Variants in TRAPPC9 observed in about 807,000 individuals in gnomAD.
The protein encoded by TRAPPC9 is trafficking protein particle complex subunit 9, also known as IKK2 binding protein.
In TRAPPC9, 83 loss-of-function variants were observed where a neutral mutation model predicts 124.0. That is an observed-to-expected ratio of 0.67 (90% confidence interval 0.56 to 0.80). The LOEUF (loss-of-function observed/expected upper bound fraction) is 0.80. Ranked by LOEUF, TRAPPC9 falls within the 30% of genes least tolerant of loss-of-function variation. TRAPPC9 has a pLI of 0.00. For missense variants in TRAPPC9, 1,302 were observed against 1,508.3 expected (o/e 0.86, Z 2.27); for synonymous variants, 638 against 617.5 (o/e 1.03, Z -0.49).
At chr8:140,369,856 G>A (rs1014525843) in intron 8 of TRAPPC9, among the ~76,000 whole-genome samples, 69 of 152,150 alleles carry the variant, frequency 4.5e-4, no homozygotes, top group Admixed American at 3.9e-4. Context: ...GGAGGCTGAG[G>A]CAGGAGAATC....
chr8:140,107,310 G>A (rs1448713738), intron 17 of TRAPPC9, among the ~76,000 whole-genome samples: 1 of 152,122 alleles, frequency 6.6e-6, no homozygotes, highest in African/African-American at 2.4e-5. Context: ...GAAATGGAAG[G>A]CTTTTTACGG....
At position 139,885,859 on chromosome 8, in the gene TRAPPC9, G is replaced by T; in HGVS notation, c.3055+20C>A. 1 of 1,553,372 alleles carries T rather than the reference G, an allele frequency of 6.4e-7. No homozygotes were observed. The highest frequency in any genetic ancestry group is 2.4e-5 in the East Asian group (1 of 41,354). On this transcript the variant is annotated intron_variant, in intron 21 of 22. Coordinates refer to ENST00000438773, the MANE Select transcript of TRAPPC9 (RefSeq NM_001160372.4). ...GGAGCACATCCACCCAGAATCGATG[G>T]GTGGCTGGCGGGTACTCACCCCACT... is the stretch of plus-strand genomic sequence containing the variant.
chr8:139,776,171 C>A lies in TRAPPC9; in HGVS notation c.3056-43969G>T, dbSNP rs1037630650. ...CTAGTCATGGGGGCTTGGGACCCAG[C>A]CTCAGTCTCTGGGCTCCCCGACAGG... On this transcript the variant is annotated intron_variant, in intron 21 of 22. Transcript: ENST00000438773. This position sits in a 1 kb window ranked among gnomAD's most constrained non-coding sequence, Gnocchi z 4.1. Among the ~76,000 whole-genome samples, 2 of 152,208 alleles carry A rather than the reference C, an allele frequency of 1.3e-5. No homozygotes were observed. Among genetic ancestry groups the A allele is most frequent in the Admixed American group, 6.5e-5 (1 of 15,272 alleles).
intron 18 of TRAPPC9, among the ~76,000 whole-genome samples, chr8:140,021,213 T>G (rs187385788): frequency 8.9e-4 from 135 of 152,342 alleles, no homozygotes; most frequent in Admixed American, 2.2e-3. Context: ...TCCCCTTTTT[T>G]GGGGTTAAGT....
At chr8:139,768,827 G>A (rs1820755482) in intron 21 of TRAPPC9, among the ~76,000 whole-genome samples, 2 of 151,990 alleles carry the variant, frequency 1.3e-5, no homozygotes, top group Non-Finnish European at 2.9e-5. Flanking sequence ...ACAATACCTC[G>A]GGGGGGAATG....
intron 19 of TRAPPC9, among the ~76,000 whole-genome samples, chr8:139,964,556 G>T (rs1188908942): frequency 6.6e-6 from 1 of 152,174 alleles, no homozygotes; most frequent in African/African-American, 2.4e-5. Context: ...CTGTGAGGCA[G>T]GGCATCAGGG....
intron 9 of TRAPPC9, among the ~76,000 whole-genome samples, chr8:140,335,079 A>G (rs1309476990): frequency 6.6e-6 from 1 of 152,158 alleles, no homozygotes; most frequent in African/African-American, 2.4e-5. Context: ...TGTCCTTGAG[A>G]AAGATGGTTT....
intron 14 of TRAPPC9, among the ~76,000 whole-genome samples, chr8:140,277,888 G>A (rs768818588): frequency 1.3e-5 from 2 of 152,316 alleles, no homozygotes; most frequent in Middle Eastern, 3.4e-3. Flanking sequence ...TAAGGTCTAT[G>A]GCGATGAGAC....
chr8:140,370,576 C>T (rs1052596840), intron 8 of TRAPPC9, among the ~76,000 whole-genome samples: 2 of 152,192 alleles, frequency 1.3e-5, no homozygotes, highest in African/African-American at 4.8e-5. Flanking sequence ...TAAGAATTTA[C>T]TGCTGAATGC....
At chr8:139,997,326 ACATCCTACACAGGGCAGACAACG>A (rs796112555) in intron 18 of TRAPPC9, among the ~76,000 whole-genome samples, 7 of 146,622 alleles carry the variant, frequency 4.8e-5, no homozygotes, top group African/African-American at 7.6e-5. Context: ...GGGAGAAAAT[ACATCCTACACAGGGCAGACAACG>A]CATCCTACAC....
At chr8:140,051,275 G>T (rs904498464) in intron 17 of TRAPPC9, among the ~76,000 whole-genome samples, 1 of 152,224 alleles carries the variant, frequency 6.6e-6, no homozygotes. Flanking sequence ...ACCTCAGTGA[G>T]CACTGTGGGA....
chr8:140,405,825 A>G, intron 5 of TRAPPC9, 127 bp from the exon 6 acceptor site: 1 of 1,042,450 alleles, frequency 9.6e-7, no homozygotes. Flanking sequence ...GTAAGTGTTT[A>G]GTCTTCACAG....
chr8:139,824,726 A>G (rs1825502864), intron 21 of TRAPPC9, among the ~76,000 whole-genome samples: 1 of 152,000 alleles, frequency 6.6e-6, no homozygotes. Flanking sequence ...ACGCCCAGCT[A>G]ATTTTTTGTA....
In TRAPPC9 at chr8:139,798,578, G is replaced by T. The variant is rs188109169; in HGVS notation, c.3056-66376C>A. 2.6e-5 allele frequency among the ~76,000 whole-genome samples: 4 copies of T among 152,320 alleles called. No individual in the cohort carries two copies. In the East Asian group the frequency reaches 5.8e-4, roughly 22 times the overall value. On this transcript the variant is annotated intron_variant, in intron 21 of 22. Coordinates refer to ENST00000438773, the MANE Select transcript of TRAPPC9 (RefSeq NM_001160372.4). ...GGGGCACTGGGGAGGTCTGGACAGG[G>T]TGTGGCCCAAGGTGTGGCTTTCTCA... is the stretch of plus-strand genomic sequence containing the variant.
intron 16 of TRAPPC9, among the ~76,000 whole-genome samples, chr8:140,248,441 A>T (rs1251848939): frequency 6.6e-6 from 1 of 152,154 alleles, no homozygotes; most frequent in African/African-American, 2.4e-5. Context: ...CTGTGTGGGG[A>T]TTCCTGGGTG....
At chr8:139,735,215 C>T (rs1818078617) in intron 21 of TRAPPC9, among the ~76,000 whole-genome samples, 1 of 152,202 alleles carries the variant, frequency 6.6e-6, no homozygotes, top group South Asian at 2.1e-4. Context: ...ACCTCCTGGG[C>T]CTCCGTTTCC....
At chr8:139,974,248 G>A (rs1233816788) in intron 19 of TRAPPC9, among the ~76,000 whole-genome samples, 5 of 152,226 alleles carry the variant, frequency 3.3e-5, no homozygotes, top group Non-Finnish European at 5.9e-5. Flanking sequence ...GCTTCTAGGA[G>A]AACAAGTTAC....
At chr8:140,309,476 C>T (rs769192959) in intron 10 of TRAPPC9, among the ~76,000 whole-genome samples, 111 of 152,210 alleles carry the variant, frequency 7.3e-4, no homozygotes, top group Non-Finnish European at 1.4e-3. Flanking sequence ...GTTCCAATGA[C>T]CTGCAAGGAC....
At chr8:140,137,225 C>T (rs942425808) in intron 17 of TRAPPC9, among the ~76,000 whole-genome samples, 3 of 152,152 alleles carry the variant, frequency 2.0e-5, no homozygotes, top group African/African-American at 4.8e-5. Flanking sequence ...GAGGGCTCAC[C>T]GCATCCCCTC....
Sources: allele counts gnomAD v4.1 joint callset (sites outside exome capture counted in the v4.1 genomes callset), GRCh38; gene constraint gnomAD v4.1.1; non-coding constraint Gnocchi (gnomAD v3.1); transcripts MANE v1.5; gene names NCBI Gene and HGNC (gene_info 2026-07-23, HGNC 2026-07-21).